The following GALNTL6 variants were observed in gnomAD, a reference collection of about 807,000 sequenced individuals.
GALNTL6 encodes the protein polypeptide N-acetylgalactosaminyltransferase-like 6.
GALNTL6 carries 46 observed loss-of-function variants against 73.7 expected under a neutral mutation model. The ratio of observed to expected loss-of-function variants is 0.62; its 90% CI spans 0.49 to 0.80. The LOEUF (loss-of-function observed/expected upper bound fraction) is 0.80, where lower values mean the gene tolerates loss of function less well. GALNTL6 is among the 30% of genes least tolerant of loss of function. GALNTL6 has a pLI of 0.00. For missense variants in GALNTL6, 604 were observed against 755.0 expected, an observed-to-expected ratio of 0.80 and a Z score of 2.34; for synonymous variants, 259 against 263.7, an observed-to-expected ratio of 0.98 and a Z score of 0.17.
intron 5 of GALNTL6, among the ~76,000 whole-genome samples, chr4:172,527,335 A>G (rs527497888): frequency 6.6e-6 from 1 of 152,308 alleles, no homozygotes; most frequent in East Asian, 1.9e-4. Flanking sequence ...GGTTACAGAG[A>G]AAAGAGAATT....
chr4:172,880,109 G>A (rs1579601870), intron 7 of GALNTL6, among the ~76,000 whole-genome samples: 1 of 152,122 alleles, frequency 6.6e-6, no homozygotes, highest in Middle Eastern at 3.4e-3. Flanking sequence ...TTTATTGAAA[G>A]ATTAGACATA....
At chr4:172,488,586 A>G (rs1351095640) in intron 5 of GALNTL6, among the ~76,000 whole-genome samples, 1 of 152,164 alleles carries the variant, frequency 6.6e-6, no homozygotes, top group Non-Finnish European at 1.5e-5. Context: ...GACCCAAGAA[A>G]CTAGGAAGAA....
At chr4:171,957,373 C>T (rs1006085047) in intron 2 of GALNTL6, among the ~76,000 whole-genome samples, 3 of 152,142 alleles carry the variant, frequency 2.0e-5, no homozygotes, top group Non-Finnish European at 4.4e-5. Flanking sequence ...TTATAGTCCA[C>T]ACTGGGAAGC....
At chr4:172,805,439 T>G (rs748365869) in intron 5 of GALNTL6, among the ~76,000 whole-genome samples, 8 of 152,192 alleles carry the variant, frequency 5.3e-5, no homozygotes, top group Non-Finnish European at 1.2e-4. Context: ...TCCCTCACAG[T>G]GATACAATAA....
chr4:172,651,241 C>T (rs1740462681), intron 5 of GALNTL6, among the ~76,000 whole-genome samples: 1 of 152,112 alleles, frequency 6.6e-6, no homozygotes, highest in African/African-American at 2.4e-5. Context: ...AGACAACAAG[C>T]CAACTGTTGG....
intron 2 of GALNTL6, among the ~76,000 whole-genome samples, chr4:171,988,975 C>G (rs2111093795): frequency 6.6e-6 from 1 of 152,010 alleles, no homozygotes; most frequent in Non-Finnish European, 1.5e-5. Flanking sequence ...GTCAGGGAAG[C>G]AGATAATTTA....
In GALNTL6 at chr4:172,357,792, C is replaced by A. The variant is rs944545777; in HGVS notation, c.553+9103C>A. The stretch of plus-strand genomic sequence containing the variant: ...GCTAGCAACTGAGAGGCTAGTGGAG[C>A]AATGACGAAAGAAAATTTAATTTTA... On this transcript the variant is annotated intron_variant, in intron 5 of 12. Coordinates refer to ENST00000506823, the MANE Select transcript of GALNTL6 (RefSeq NM_001034845.3). 6.6e-5 allele frequency among the ~76,000 whole-genome samples: 10 copies of A among 152,086 alleles called. No individual in the cohort carries two copies. The East Asian group carries it at 9.7e-4, about 15-fold the overall frequency.
intron 2 of GALNTL6, among the ~76,000 whole-genome samples, chr4:171,918,853 T>C (rs1188675222): frequency 6.6e-6 from 1 of 152,096 alleles, no homozygotes; most frequent in Admixed American, 6.6e-5. Context: ...CAGTTGAAAC[T>C]TGAGGACATA....
chr4:172,978,843 C>T (rs908227839), intron 10 of GALNTL6, among the ~76,000 whole-genome samples: 1 of 152,154 alleles, frequency 6.6e-6, no homozygotes, highest in Non-Finnish European at 1.5e-5. Flanking sequence ...TAGCACACAT[C>T]CTCAGTTCTA....
At chr4:172,049,896 A>G (rs1730792401) in intron 2 of GALNTL6, among the ~76,000 whole-genome samples, 1 of 152,142 alleles carries the variant, frequency 6.6e-6, no homozygotes, top group South Asian at 2.1e-4. Flanking sequence ...AGGTAGGAGA[A>G]TTGCTTGAAC....
intron 7 of GALNTL6, among the ~76,000 whole-genome samples, chr4:172,848,580 T>C (rs1743640250): frequency 6.6e-6 from 1 of 152,180 alleles, no homozygotes; most frequent in Admixed American, 6.5e-5. Flanking sequence ...CTGGTTTCTT[T>C]GGCTCTCTGA....
chr4:172,975,051 C>A (rs532256854), intron 10 of GALNTL6, among the ~76,000 whole-genome samples: 1 of 152,190 alleles, frequency 6.6e-6, no homozygotes, highest in Non-Finnish European at 1.5e-5. Context: ...GTTGCCCCCA[C>A]GTGGCAAGCA....
At chr4:171,972,789 A>G (rs190959230) in intron 2 of GALNTL6, among the ~76,000 whole-genome samples, 12 of 152,288 alleles carry the variant, frequency 7.9e-5, no homozygotes, top group Admixed American at 7.9e-4. Flanking sequence ...AGAAATGCTC[A>G]AAGTCATGTA....
chr4:172,813,762 C>T, intron 7 of GALNTL6, 39 bp downstream of exon 7: 1 of 1,507,574 alleles, frequency 6.6e-7, no homozygotes, highest in East Asian at 2.3e-5. Flanking sequence ...GGGGTGAGGG[C>T]AGGTAACTCA....
rs563463046 is a variant in GALNTL6 at position 172,704,903 on chromosome 4, T to G, written c.554-104458T>G. Among the ~76,000 whole-genome samples the G allele has an allele frequency of 4.6e-5, 7 of 152,178 alleles. No homozygotes were observed. The South Asian group carries it at 1.4e-3, about 32-fold the overall frequency. ...CATATATATTTATTATTATATCTTC[T>G]TGCCAAGTTGACTCTGTTCTCCCTA... On this transcript the variant is annotated intron_variant, in intron 5 of 12. Coordinates refer to ENST00000506823, the MANE Select transcript of GALNTL6 (RefSeq NM_001034845.3).
chr4:172,182,815 T>C (rs888248688), intron 2 of GALNTL6, among the ~76,000 whole-genome samples: 7 of 152,136 alleles, frequency 4.6e-5, no homozygotes, highest in Admixed American at 4.6e-4. Flanking sequence ...AATATACTCA[T>C]TGATATTTAT....
chr4:172,845,010 T>C (rs975255205), intron 7 of GALNTL6, among the ~76,000 whole-genome samples: 2 of 151,900 alleles, frequency 1.3e-5, no homozygotes, highest in Non-Finnish European at 1.5e-5. Flanking sequence ...GGTCAAGAGA[T>C]AGAGACCATC....
chr4:172,525,055 T>C (rs2110828659), intron 5 of GALNTL6, among the ~76,000 whole-genome samples: 1 of 152,342 alleles, frequency 6.6e-6, no homozygotes, highest in South Asian at 2.1e-4. Context: ...TTCCTATTGC[T>C]TTGCAGTTAC....
intron 3 of GALNTL6, among the ~76,000 whole-genome samples, chr4:172,257,388 T>A (rs1314463085): frequency 6.6e-6 from 1 of 151,562 alleles, no homozygotes. Context: ...TCTCCAAGCC[T>A]GTACATTTTG....
Sources: allele counts gnomAD v4.1 joint callset (sites outside exome capture counted in the v4.1 genomes callset), GRCh38; gene constraint gnomAD v4.1.1; transcripts MANE v1.5; gene names NCBI Gene and HGNC (gene_info 2026-07-23, HGNC 2026-07-21).